The following COTL1 variants were observed in gnomAD, a reference collection of about 807,000 sequenced individuals.
COTL1 encodes the protein coactosin like F-actin binding protein 1, also known as coactosin-like protein.
A neutral mutation model predicts 16.5 loss-of-function variants in COTL1; 15 were observed. The ratio of observed to expected loss-of-function variants is 0.91; its 90% CI spans 0.61 to 1.40. The LOEUF (loss-of-function observed/expected upper bound fraction) is 1.40. Ranked by LOEUF, COTL1 falls within the 40% of genes most tolerant of loss-of-function variation. COTL1 has a pLI of 0.00. For synonymous variants in COTL1, 112 were observed against 85.3 expected, an observed-to-expected ratio of 1.31 and a Z score of -1.73; for missense variants, 220 against 201.5, an observed-to-expected ratio of 1.09 and a Z score of -0.56.
chr16:84,581,332 T>C (rs1311876592), intron 3 of COTL1, among the ~76,000 whole-genome samples: 2 of 152,076 alleles, frequency 1.3e-5, no homozygotes, highest in Non-Finnish European at 2.9e-5. Flanking sequence ...CACATAGAAA[T>C]AAACAGCTGA....
intron 2 of COTL1, among the ~76,000 whole-genome samples, chr16:84,597,995 G>C (rs1163029474): frequency 6.6e-6 from 1 of 152,180 alleles, no homozygotes; most frequent in East Asian, 1.9e-4. Flanking sequence ...CGAGGATTCA[G>C]ATGCATATCA....
chr16:84,617,990 G>GCGGGTA lies in COTL1; in HGVS notation c.-82_-77dup. On this transcript the variant is annotated 5_prime_UTR_variant, in exon 1 of 4. Coordinates refer to ENST00000262428, the MANE Select transcript of COTL1 (RefSeq NM_021149.5). The stretch of plus-strand genomic sequence containing the variant: ...GGCCGGCGGCGGGGATGGGAGCGCG[G>GCGGGTA]CGGGTACGCGCCGAGGGCGCACGGG... 5 of 1,060,252 alleles carry GCGGGTA rather than the reference G, an allele frequency of 4.7e-6. No homozygotes were observed. Among genetic ancestry groups the GCGGGTA allele is most frequent in the Non-Finnish European group, 6.1e-6 (5 of 814,210 alleles). The allele number at this position is 1,060,252 out of a possible 1,614,324, so 65.7% of individuals were successfully genotyped here.
intron 2 of COTL1, among the ~76,000 whole-genome samples, chr16:84,606,497 A>G (rs992382613): frequency 6.6e-6 from 1 of 152,264 alleles, no homozygotes; most frequent in Non-Finnish European, 1.5e-5. Context: ...TGCTCCCAGG[A>G]AAGTCACAAG....
intron 3 of COTL1, among the ~76,000 whole-genome samples, chr16:84,582,452 T>C: frequency 6.6e-6 from 1 of 152,352 alleles, no homozygotes; most frequent in Non-Finnish European, 1.5e-5. Flanking sequence ...CCTCATTTCT[T>C]CATTTCTTAG....
intron 3 of COTL1, among the ~76,000 whole-genome samples, chr16:84,580,110 C>G (rs1281189336): frequency 1.3e-5 from 2 of 152,258 alleles, no homozygotes; most frequent in East Asian, 1.9e-4. Flanking sequence ...AGGGCTGGCA[C>G]TGGTCTGGAG....
chr16:84,567,759 C>T (rs1904304885), intron 3 of COTL1: 1 of 152,250 alleles, frequency 6.6e-6, no homozygotes, highest in Non-Finnish European at 1.5e-5. Flanking sequence ...ATGATGCACT[C>T]AGTAAACGCT....
At chr16:84,586,806 G>A (rs1346319998) in intron 3 of COTL1, among the ~76,000 whole-genome samples, 1 of 152,020 alleles carries the variant, frequency 6.6e-6, no homozygotes, top group Non-Finnish European at 1.5e-5. Context: ...CGCCAGGCTG[G>A]TCTCGAACTC....
chr16:84,591,026 T>C (rs1000188332), intron 2 of COTL1, among the ~76,000 whole-genome samples: 3 of 152,212 alleles, frequency 2.0e-5, no homozygotes, highest in African/African-American at 7.2e-5. Context: ...TAAAATGGCT[T>C]TGAGGGCTAT....
intron 2 of COTL1, among the ~76,000 whole-genome samples, chr16:84,609,924 C>A (rs1214587533): frequency 6.6e-6 from 1 of 152,196 alleles, no homozygotes; most frequent in African/African-American, 2.4e-5. Flanking sequence ...ATTACCCAGT[C>A]ACGGGTATTT....
intron 2 of COTL1, among the ~76,000 whole-genome samples, chr16:84,610,741 T>C (rs544064344): frequency 6.6e-6 from 1 of 152,040 alleles, no homozygotes; most frequent in East Asian, 1.9e-4. Context: ...AAAAAAAACA[T>C]CAATCTCTAC....
chr16:84,586,169 C>T (rs1323965697), intron 3 of COTL1, among the ~76,000 whole-genome samples: 2 of 152,146 alleles, frequency 1.3e-5, no homozygotes, highest in African/African-American at 4.8e-5. Context: ...GACGCCAACC[C>T]CAGAGAAAAA....
chr16:84,617,847 G>A lies in COTL1; in HGVS notation c.68C>T (p.Ala23Val), dbSNP rs748052311. 10 of 1,573,042 alleles carry A rather than the reference G, an allele frequency of 6.4e-6. No individual in the cohort carries two copies. In the South Asian group the frequency reaches 1.0e-4, roughly 16 times the overall value. ...AATGAAAAGTTCCTACCAGATGACG[G>A]CCGAGCCGTCGTCGCGCACCAGGTT... Reference protein sequence around the residue: ...AYNLVRDDGSAVIWVTFKYDG... With the variant: ...AYNLVRDDGSVVIWVTFKYDG... Residue 23 changes from alanine to valine, a missense_variant, in exon 1 of 4, where the codon GCC becomes GTC. Transcript: ENST00000262428.
chr16:84,573,641 G>C (rs1318207327), intron 3 of COTL1, among the ~76,000 whole-genome samples: 2 of 152,062 alleles, frequency 1.3e-5, no homozygotes, highest in East Asian at 1.9e-4. Context: ...CTGGGTGTGA[G>C]AGGCGGGAGA....
At chr16:84,597,688 T>C (rs1047637763) in intron 2 of COTL1, among the ~76,000 whole-genome samples, 5 of 152,172 alleles carry the variant, frequency 3.3e-5, no homozygotes, top group Non-Finnish European at 7.4e-5. Context: ...GACAAAGGTC[T>C]CAAGGACAGA....
intron 2 of COTL1, among the ~76,000 whole-genome samples, chr16:84,592,093 G>A (rs1904884463): frequency 6.6e-6 from 1 of 152,122 alleles, no homozygotes; most frequent in Non-Finnish European, 1.5e-5. Flanking sequence ...AAACAAAAAT[G>A]CCTCCATACA....
intron 3 of COTL1, among the ~76,000 whole-genome samples, chr16:84,572,058 C>T (rs554917933): frequency 6.6e-6 from 1 of 152,384 alleles, no homozygotes; most frequent in East Asian, 1.9e-4. Flanking sequence ...CAACAACCTC[C>T]ACACCTCTCC....
chr16:84,591,556 T>G (rs2096475886), intron 2 of COTL1, among the ~76,000 whole-genome samples: 2 of 145,222 alleles, frequency 1.4e-5, no homozygotes, highest in South Asian at 4.4e-4. Flanking sequence ...TCCCAGCACT[T>G]TGGGAGGCAA....
intron 3 of COTL1, among the ~76,000 whole-genome samples, chr16:84,582,038 T>G (rs1904608750): frequency 8.9e-6 from 1 of 112,570 alleles, no homozygotes; most frequent in Non-Finnish European, 1.7e-5. Flanking sequence ...CAGGCTGGAG[T>G]GCAGTGGTGC....
chr16:84,595,176 C>G (rs1037960444), intron 2 of COTL1: 1 of 152,454 alleles, frequency 6.6e-6, no homozygotes, highest in Non-Finnish European at 1.5e-5. Flanking sequence ...CTTCCAGAAC[C>G]ACAGCCTGAT....
Sources: gnomAD v4.1 joint callset for allele counts (sites outside exome capture counted in the v4.1 genomes callset) on GRCh38, gnomAD v4.1.1 for gene constraint, MANE v1.5 for transcripts, NCBI Gene and HGNC (gene_info 2026-07-23, HGNC 2026-07-21) for gene names.